Variants in CCDC85A observed in about 807,000 individuals in gnomAD.
CCDC85A encodes coiled-coil domain-containing protein 85A.
A neutral mutation model predicts 50.2 loss-of-function variants in CCDC85A; 38 were observed. The observed-to-expected ratio is 0.76, with a 90% CI of 0.58 to 0.99. The LOEUF (loss-of-function observed/expected upper bound fraction) is 0.99. Among genes scored for constraint, CCDC85A ranks in the 50% least tolerant of loss-of-function variants. The probability of loss-of-function intolerance (pLI) is 0.00; values close to 1 mark genes in which losing one functional copy is unlikely to be tolerated. For missense variants in CCDC85A, 820 were observed against 742.0 expected, an observed-to-expected ratio of 1.11 and a Z score of -1.22; for synonymous variants, 366 against 301.4, an observed-to-expected ratio of 1.21 and a Z score of -2.22.
chr2:56,340,876 C>CA (rs61603853), intron 2 of CCDC85A, among the ~76,000 whole-genome samples: 3,188 of 57,802 alleles, frequency 0.055, 170 homozygotes, highest in African/African-American at 0.12. Context: ...AACTCCATCT[C>CA]AAAAAAAAAA....
chr2:56,301,027 A>G lies in CCDC85A; in HGVS notation c.1241-41852A>G, dbSNP rs1430242136. Among the ~76,000 whole-genome samples the G allele has an allele frequency of 2.0e-5, 3 of 152,322 alleles. No individual in the cohort carries two copies. In the East Asian group the frequency reaches 5.8e-4, roughly 29 times the overall value. On this transcript the variant is annotated intron_variant, in intron 2 of 5. Transcript: ENST00000407595. ...AGCAGTGATGAATGGAAAGAGTGAT[A>G]TTACACTTCCTTTTTGCAATCTTTC...
chr2:56,227,344 G>A (rs1668584757), intron 2 of CCDC85A, among the ~76,000 whole-genome samples: 1 of 152,090 alleles, frequency 6.6e-6, no homozygotes, highest in Non-Finnish European at 1.5e-5. Flanking sequence ...GGCAACAGAC[G>A]GAAGGATACA....
chr2:56,291,415 G>A (rs924558473), intron 2 of CCDC85A, among the ~76,000 whole-genome samples: 3 of 152,218 alleles, frequency 2.0e-5, no homozygotes, highest in Non-Finnish European at 4.4e-5. Context: ...AGTGAAAAGA[G>A]CTGGTGGTAA....
chr2:56,383,554 C>G, intron 5 of CCDC85A: 2 of 982,170 alleles, frequency 2.0e-6, no homozygotes, highest in Non-Finnish European at 2.4e-6. Context: ...GTAATTGTAT[C>G]TCTTTCAGTG....
At chr2:56,330,413 A>T (rs1673725085) in intron 2 of CCDC85A, among the ~76,000 whole-genome samples, 1 of 152,188 alleles carries the variant, frequency 6.6e-6, no homozygotes, top group African/African-American at 2.4e-5. Flanking sequence ...TTTTATAGGT[A>T]GAAATTTAAC....
chr2:56,285,404 G>A (rs1190644709), intron 2 of CCDC85A, among the ~76,000 whole-genome samples: 3 of 148,516 alleles, frequency 2.0e-5, no homozygotes, highest in Non-Finnish European at 4.5e-5. Context: ...ACACCTGGCC[G>A]AGTACATTTT....
chr2:56,321,012 T>G (rs1033797133), intron 2 of CCDC85A, among the ~76,000 whole-genome samples: 4 of 151,910 alleles, frequency 2.6e-5, no homozygotes, highest in African/African-American at 9.7e-5. Flanking sequence ...ACGTAATCCA[T>G]CATATAAACA....
rs1675921090 is a variant in CCDC85A at position 56,184,705 on chromosome 2, G to T, written c.81G>T (p.Ala27=). 2.6e-6 allele frequency: 4 copies of T among 1,525,948 alleles called. No individual in the cohort carries two copies. The highest frequency in any genetic ancestry group is 2.2e-4 in the Middle Eastern group (1 of 4,514). The allele number at this position is 1,525,948 out of a possible 1,614,324, so 94.5% of individuals were successfully genotyped here. A position where few individuals can be genotyped will look rare whatever the true frequency, so the allele number is the denominator to read the frequency against. The part of the protein sequence containing the change: ...SCSPAPAGSS[A]APPAPVEDLS... ...CCCCAGCCCCGGCCGGCTCGTCCGC[G>T]GCCCCGCCCGCGCCGGTGGAGGACC... The change falls in exon 1 of 6, where the codon GCG becomes GCT. Residue 27 remains alanine (A), a synonymous_variant. Coordinates refer to ENST00000407595, the MANE Select transcript of CCDC85A (RefSeq NM_001080433.2).
chr2:56,318,510 T>TTCC (rs1323063270), intron 2 of CCDC85A, among the ~76,000 whole-genome samples: 1 of 152,140 alleles, frequency 6.6e-6, no homozygotes, highest in Non-Finnish European at 1.5e-5. Flanking sequence ...GATATTTTTG[T>TTCC]TTATTTTCTT....
At chr2:56,374,081 T>G (rs1033432743) in intron 4 of CCDC85A, among the ~76,000 whole-genome samples, 1 of 152,232 alleles carries the variant, frequency 6.6e-6, no homozygotes, top group Non-Finnish European at 1.5e-5. Flanking sequence ...ATGTTTTAAT[T>G]TCCTTTCCCA....
chr2:56,306,283 C>T (rs1672441871), intron 2 of CCDC85A, among the ~76,000 whole-genome samples: 1 of 152,064 alleles, frequency 6.6e-6, no homozygotes, highest in Non-Finnish European at 1.5e-5. Context: ...GTGCCTGCCA[C>T]CACACCCAGC....
chr2:56,273,422 A>G (rs1670785197), intron 2 of CCDC85A, among the ~76,000 whole-genome samples: 1 of 152,160 alleles, frequency 6.6e-6, no homozygotes, highest in East Asian at 1.9e-4. Flanking sequence ...ACATAAACAG[A>G]AAAAATTGGA....
rs1288838502 is a variant in CCDC85A at position 56,184,691 on chromosome 2, G to C, written c.67G>C (p.Ala23Pro). Reference protein sequence around the residue: ...AAAESCSPAPAGSSAAPPAPV... With the variant: ...AAAESCSPAPPGSSAAPPAPV... ...GGCGGAAAGTTGTTCCCCAGCCCCG[G>C]CCGGCTCGTCCGCGGCCCCGCCCGC... is the stretch of plus-strand genomic sequence containing the variant. Residue 23 changes from alanine (A) to proline (P), a missense_variant, in exon 1 of 6, where the codon GCC becomes CCC. Physicochemically the swap from Ala to Pro is conservative, Grantham distance 27. Transcript: ENST00000407595. 1.1e-5 allele frequency: 17 copies of C among 1,522,948 alleles called. No individual in the cohort carries two copies. Among genetic ancestry groups the C allele is most frequent in the African/African-American group, 1.4e-5 (1 of 69,436 alleles). The allele number at this position is 1,522,948 out of a possible 1,614,324, so 94.3% of individuals were successfully genotyped here.
chr2:56,278,730 C>T (rs1415132819), intron 2 of CCDC85A, among the ~76,000 whole-genome samples: 2 of 152,060 alleles, frequency 1.3e-5, no homozygotes, highest in Non-Finnish European at 2.9e-5. Context: ...GCCACCACCA[C>T]GCCCGGCTAA....
intron 2 of CCDC85A, among the ~76,000 whole-genome samples, chr2:56,262,436 C>T (rs1252677427): frequency 1.3e-5 from 2 of 151,988 alleles, no homozygotes; most frequent in East Asian, 1.9e-4. Flanking sequence ...GGACTTCTGC[C>T]CAGATTTCCT....
rs144174096 is a variant in CCDC85A, at chr2:56,337,115, G to A, written c.1241-5764G>A. ...TTGAATTAGAAAAGCTCTAAGGTACGTAGTACCAGTAAAATTTGAATTTAG... is the reference window on the plus strand; with the variant it reads ...TTGAATTAGAAAAGCTCTAAGGTACATAGTACCAGTAAAATTTGAATTTAG... On this transcript the variant is annotated intron_variant, in intron 2 of 5. Transcript: ENST00000407595. 7.0e-3 allele frequency among the ~76,000 whole-genome samples: 1,071 copies of A among 152,318 alleles called. 8 individuals carry two copies. Among genetic ancestry groups the A allele is most frequent in the African/African-American group, 0.024 (992 of 41,570 alleles).
chr2:56,274,091 A>G (rs1431761821), intron 2 of CCDC85A, among the ~76,000 whole-genome samples: 3 of 152,174 alleles, frequency 2.0e-5, no homozygotes, highest in African/African-American at 4.8e-5. Context: ...GCTATGCTGT[A>G]CTAGTGAACT....
chr2:56,336,572 A>C (rs543702345), intron 2 of CCDC85A, among the ~76,000 whole-genome samples: 1 of 152,362 alleles, frequency 6.6e-6, no homozygotes, highest in Admixed American at 6.5e-5. Flanking sequence ...AAAACCACTC[A>C]GAGGTGTGAC....
intron 2 of CCDC85A, among the ~76,000 whole-genome samples, chr2:56,325,572 G>C (rs1046618420): frequency 1.3e-5 from 2 of 152,114 alleles, no homozygotes; most frequent in South Asian, 2.1e-4. Context: ...AAATTGAACA[G>C]AGTGAACATT....
Sources: allele counts gnomAD v4.1 joint callset (sites outside exome capture counted in the v4.1 genomes callset), GRCh38; gene constraint gnomAD v4.1.1; transcripts MANE v1.5; gene names NCBI Gene and HGNC (gene_info 2026-07-23, HGNC 2026-07-21).